SON: variants seen among roughly 807,000 people sequenced by gnomAD.
SON encodes protein SON.
Under a neutral mutation model 173.3 loss-of-function variants are expected in SON, and 4 were observed. That is an observed-to-expected ratio of 0.02 (90% CI 0.01 to 0.05). The LOEUF is 0.05. Ranked by LOEUF, SON falls within the 10% of genes least tolerant of loss-of-function variation. The pLI, the probability that SON is intolerant of heterozygous loss-of-function variation, is 1.00. For synonymous variants in SON, 1,190 were observed against 1,105.9 expected (o/e 1.08, Z -1.51); for missense variants, 2,626 against 3,055.3 (o/e 0.86, Z 3.31).
At chr21:33,570,149 T>G (rs1426431075) in intron 8 of SON, 1 of 152,258 alleles carries the variant, frequency 6.6e-6, no homozygotes, top group Non-Finnish European at 1.5e-5. Context: ...TCTAATGGAT[T>G]GGGAAGGTTT....
In SON at chr21:33,567,286, A is replaced by T. The variant is rs532341550; in HGVS notation, c.6768+19A>T. 4.3e-5 allele frequency: 60 copies of T among 1,394,766 alleles called. No individual in the cohort carries two copies. The African/African-American group carries it at 7.8e-4, about 18-fold the overall frequency. 86.4% of individuals were successfully genotyped at this position (1,394,766 alleles called of 1,614,324 possible). A position where few individuals can be genotyped will look rare whatever the true frequency, so the allele number is the denominator to read the frequency against. Reference sequence around the variant, plus strand: ...GGAAAGGGTATGTAGCAGTTTTTTAAAAAAAATTATTATTTACCATCAGCC... The same window carrying T: ...GGAAAGGGTATGTAGCAGTTTTTTATAAAAAATTATTATTTACCATCAGCC... On this transcript the variant is annotated intron_variant, in intron 7 of 11. Coordinates refer to ENST00000356577, the MANE Select transcript of SON (RefSeq NM_138927.4).
At chr21:33,568,061 T>G (rs2086208873) in intron 7 of SON, among the ~76,000 whole-genome samples, 1 of 152,166 alleles carries the variant, frequency 6.6e-6, no homozygotes, top group Non-Finnish European at 1.5e-5. Context: ...TTATGGTAAA[T>G]CAGTAAGTAC....
intron 11 of SON, 113 bp from the exon 12 acceptor site, chr21:33,576,252 T>C (rs2145890356): frequency 1.4e-6 from 1 of 693,266 alleles, no homozygotes; most frequent in East Asian, 2.5e-5. Flanking sequence ...TTGACTTACA[T>C]AGTATGGGTT....
At chr21:33,546,865 A>G (rs1422720558) in intron 2 of SON, 2 of 152,262 alleles carry the variant, frequency 1.3e-5, no homozygotes, top group African/African-American at 4.8e-5. Context: ...TTCCTTCCAT[A>G]CTTCCACTGG....
At chr21:33,567,920 A>G (rs541571223) in intron 7 of SON, among the ~76,000 whole-genome samples, 1 of 152,200 alleles carries the variant, frequency 6.6e-6, no homozygotes, top group Admixed American at 6.5e-5. Flanking sequence ...AAAAAAAACA[A>G]AAGAGTGATT....
Position 33,561,806 on chromosome 21 carries a change from A to G in SON, c.6657+2031A>G, listed in dbSNP as rs2086075484. ...AAAGTTGATAGAGAAAGGTACTCAA[A>G]TAATGGTGACATTATTTTTTGTTAA... On this transcript the variant is annotated intron_variant, in intron 6 of 11. Coordinates refer to ENST00000356577, the MANE Select transcript of SON (RefSeq NM_138927.4). Among the ~76,000 whole-genome samples the G allele has an allele frequency of 2.0e-5, 3 of 152,358 alleles. No individual in the cohort carries two copies. In the South Asian group the frequency reaches 6.2e-4, roughly 32 times the overall value.
At chr21:33,562,772 T>C (rs1601283248) in intron 6 of SON, among the ~76,000 whole-genome samples, 1 of 152,192 alleles carries the variant, frequency 6.6e-6, no homozygotes, top group African/African-American at 2.4e-5. Flanking sequence ...ATTTTAAAAA[T>C]AGTCCTCAGG....
In SON at chr21:33,549,820, T is replaced by G. The variant is rs201216860; in HGVS notation, c.589T>G (p.Ser197Ala). 2.0e-5 allele frequency: 33 copies of G among 1,614,094 alleles called. No individual in the cohort carries two copies. The highest frequency in any genetic ancestry group is 2.5e-5 in the Non-Finnish European group (29 of 1,180,046). The change falls in exon 3 of 12, where the codon TCA becomes GCA. Residue 197 changes from serine to alanine, a missense_variant. Ser to Ala is a moderately conservative substitution (Grantham distance 99). Around this residue, in one of 13 missense-constraint regions of SON, gnomAD observed 757 missense variants for 730.1 expected, o/e 1.04. Coordinates refer to ENST00000356577, the MANE Select transcript of SON (RefSeq NM_138927.4). ...ACCTCCTGTAGTATCAATGGAGGTA[T>G]CAGAGCCACACATCTTAGAAACTCT... Reference protein sequence around the residue: ...LEPPVVSMEVSEPHILETLKP... With the variant: ...LEPPVVSMEVAEPHILETLKP...
Position 33,554,416 on chromosome 21 carries a change from A to G in SON, c.5185A>G (p.Asn1729Asp). The change falls in exon 3 of 12, where the codon AAT (asparagine) becomes GAT (aspartate). Residue 1729 changes from asparagine to aspartate, a missense_variant. Asn to Asp is a conservative substitution (Grantham distance 23). This residue lies in a region of SON where 1,006 missense variants were observed against 895.6 expected (regional missense o/e 1.12). Transcript: ENST00000356577. ...ATTTTCTGCCAATATTGAGGATATT[A>G]ATGAAGCAGATTTAGTGAGACCGTT... ...SGFSANIEDI[N>D]EADLVRPLLP... 6.2e-7 allele frequency: 1 copy of G among 1,614,226 alleles called. No homozygotes were observed. Among genetic ancestry groups the G allele is most frequent in the East Asian group, 2.2e-5 (1 of 44,886 alleles).
intron 6 of SON, chr21:33,560,261 G>A (rs2086046401): frequency 2.2e-5 from 32 of 1,452,668 alleles, no homozygotes; most frequent in Non-Finnish European, 2.7e-5. Context: ...CCTTAATGAT[G>A]GTTTCTTACT....
In SON at chr21:33,576,390, GA is replaced by G. The variant is rs34373121; in HGVS notation, c.7248del (p.Arg2416SerfsTer8). Reference sequence around the variant, plus strand: ...GTATTGAGAAATGGAGCCCTTACCAGACCCAATTGTATGTTTTTCTTGAATA... The same window carrying G: ...GTATTGAGAAATGGAGCCCTTACCAGCCCAATTGTATGTTTTTCTTGAATA... ...FRVLRNGALT[R>X]PNCMFFLNRY On this transcript the variant is annotated frameshift_variant, in exon 12 of 12. Transcript: ENST00000356577. LOFTEE classifies it high-confidence loss of function. The G allele has an allele frequency of 1, 1,520,114 of 1,520,302 alleles. 759,963 individuals carry two copies. The highest frequency in any genetic ancestry group is 1 in the East Asian group (44,423 of 44,424). The allele number at this position is 1,520,302 out of a possible 1,614,324, so 94.2% of individuals were successfully genotyped here.
chr21:33,547,520 TG>T (rs574285922), intron 2 of SON, among the ~76,000 whole-genome samples: 3 of 152,100 alleles, frequency 2.0e-5, no homozygotes, highest in Non-Finnish European at 2.9e-5. Context: ...TCCTCTTTTT[TG>T]GGGGGAACTT....
chr21:33,567,390 C>T lies in SON; in HGVS notation c.6768+123C>T, dbSNP rs1015111943. 11 of 638,202 alleles carry T rather than the reference C, an allele frequency of 1.7e-5. No homozygotes were observed. The Admixed American group carries it at 2.1e-4, about 12-fold the overall frequency. 39.5% of individuals were successfully genotyped at this position (638,202 alleles called of 1,614,324 possible). ...ATGGTTGAGTTGTAACATCCTTTAC[C>T]TTATTTTCAATGTCTTATTTTAAAT... On this transcript the variant is annotated intron_variant, in intron 7 of 11. Transcript: ENST00000356577.
Position 33,548,161 on chromosome 21 carries a change from T to A in SON, c.245-1315T>A, listed in dbSNP as rs941986971. On this transcript the variant is annotated intron_variant, in intron 2 of 11. Transcript: ENST00000356577. Reference sequence around the variant, plus strand: ...GTTGAATACTCCCATCTCTTTAGGGTATGTAAATTCAAACCTTCTTAAGTT... The same window carrying A: ...GTTGAATACTCCCATCTCTTTAGGGAATGTAAATTCAAACCTTCTTAAGTT... Among the ~76,000 whole-genome samples the A allele has an allele frequency of 3.3e-5, 5 of 152,336 alleles. No homozygotes were observed. The East Asian group carries it at 9.6e-4, about 29-fold the overall frequency.
intron 9 of SON, among the ~76,000 whole-genome samples, chr21:33,574,247 A>G (rs2086350094): frequency 6.6e-6 from 1 of 152,256 alleles, no homozygotes; most frequent in South Asian, 2.1e-4. Context: ...AAAGCTGACA[A>G]ATGTAAAACT....
Position 33,576,495 on chromosome 21 carries a change from T to A in SON, c.*71T>A, listed in dbSNP as rs2086404956. 2.0e-6 allele frequency: 2 copies of A among 982,800 alleles called. No individual in the cohort carries two copies. Among genetic ancestry groups the A allele is most frequent in the Non-Finnish European group, 3.3e-6 (2 of 602,868 alleles). The allele number at this position is 982,800 out of a possible 1,614,324, so 60.9% of individuals were successfully genotyped here. Reference sequence around the variant, plus strand: ...AGCATGCTAAAGCCACAGCAGCTACTGTGGTTCTTCAAGCAATGGGCCTTG... The same window carrying A: ...AGCATGCTAAAGCCACAGCAGCTACAGTGGTTCTTCAAGCAATGGGCCTTG... On this transcript the variant is annotated 3_prime_UTR_variant, in exon 12 of 12. Coordinates refer to ENST00000356577, the MANE Select transcript of SON (RefSeq NM_138927.4).
At chr21:33,569,234 G>C (rs866983699) in intron 8 of SON, 147 bp downstream of exon 8, 1 of 565,700 alleles carries the variant, frequency 1.8e-6, no homozygotes. Flanking sequence ...GGCGGACACT[G>C]AAGACGGACT....
intron 6 of SON, among the ~76,000 whole-genome samples, chr21:33,564,521 AGATAATCTT>A (rs2086128162): frequency 6.6e-6 from 1 of 152,186 alleles, no homozygotes. Flanking sequence ...TATGAGGTTA[AGATAATCTT>A]GATTCATTCT....
At chr21:33,558,830 A>C (rs2086015473) in intron 4 of SON, 1 of 153,198 alleles carries the variant, frequency 6.5e-6, no homozygotes, top group African/African-American at 2.4e-5. Context: ...TTATGTACTC[A>C]GTTTGTATTA....
Sources: gnomAD v4.1 joint callset for allele counts (sites outside exome capture counted in the v4.1 genomes callset) on GRCh38, gnomAD v4.1.1 for gene constraint, gnomAD v4.1.1 regional missense constraint, MANE v1.5 for transcripts, NCBI Gene and HGNC (gene_info 2026-07-23, HGNC 2026-07-21) for gene names.